Variants in IGF1R observed in about 807,000 individuals in gnomAD.
The protein encoded by IGF1R is insulin-like growth factor 1 receptor.
IGF1R carries 44 observed loss-of-function variants against 144.6 expected under a neutral mutation model. That is an observed-to-expected ratio of 0.30 (90% CI 0.24 to 0.39). The LOEUF is 0.39. IGF1R is among the 10% of genes least tolerant of loss of function. The pLI, the probability that IGF1R is intolerant of heterozygous loss-of-function variation, is 1.00. For synonymous variants in IGF1R, 795 were observed against 722.8 expected (o/e 1.10, Z -1.60); for missense variants, 1,355 against 1,833.7 (o/e 0.74, Z 4.77).
At chr15:98,870,506 C>T (rs1186323858) in intron 2 of IGF1R, among the ~76,000 whole-genome samples, 1 of 152,134 alleles carries the variant, frequency 6.6e-6, no homozygotes, top group Admixed American at 6.5e-5. Context: ...GGTGGAACAG[C>T]GTGTGTGAAG....
intron 2 of IGF1R, among the ~76,000 whole-genome samples, chr15:98,802,710 G>A (rs1193515927): frequency 7.9e-5 from 12 of 152,148 alleles, no homozygotes; most frequent in Admixed American, 7.9e-4. Flanking sequence ...AGAGTTTTTT[G>A]CTTGAGTTGA....
intron 1 of IGF1R, among the ~76,000 whole-genome samples, chr15:98,670,002 G>A (rs1265365760): frequency 1.3e-5 from 2 of 152,172 alleles, no homozygotes; most frequent in African/African-American, 4.8e-5. Context: ...GGGGCCCCAG[G>A]GATGCTGAGC....
At chr15:98,824,814 C>T (rs1408414895) in intron 2 of IGF1R, among the ~76,000 whole-genome samples, 1 of 151,810 alleles carries the variant, frequency 6.6e-6, no homozygotes, top group African/African-American at 2.4e-5. Context: ...TACGCTGTTT[C>T]GTTCTTTATT....
chr15:98,720,335 C>T (rs878975026), intron 2 of IGF1R, among the ~76,000 whole-genome samples: 1 of 152,208 alleles, frequency 6.6e-6, no homozygotes, highest in Non-Finnish European at 1.5e-5. Flanking sequence ...CTGGCCTCTT[C>T]TACTGACTTT....
At chr15:98,689,425 G>T (rs1322640676) in intron 1 of IGF1R, among the ~76,000 whole-genome samples, 2 of 104,304 alleles carry the variant, frequency 1.9e-5, no homozygotes, top group Non-Finnish European at 4.0e-5. Flanking sequence ...TTTTAGTAGG[G>T]ACAAAGTTTC....
At chr15:98,732,036 G>A (rs910743693) in intron 2 of IGF1R, among the ~76,000 whole-genome samples, 10 of 152,172 alleles carry the variant, frequency 6.6e-5, no homozygotes, top group Non-Finnish European at 1.0e-4. Context: ...GCTGATTTCC[G>A]CCTCTGCAAC....
chr15:98,936,048 C>G (rs1255242189), intron 17 of IGF1R, among the ~76,000 whole-genome samples: 1 of 152,128 alleles, frequency 6.6e-6, no homozygotes, highest in East Asian at 1.9e-4. Context: ...GCTCCGTGCG[C>G]AAGATGTGCA....
At chr15:98,701,406 A>G (rs954504583) in intron 1 of IGF1R, among the ~76,000 whole-genome samples, 2 of 133,366 alleles carry the variant, frequency 1.5e-5, no homozygotes, top group Admixed American at 1.9e-4. Flanking sequence ...GCGTGATCTC[A>G]GCTCACTGCA....
chr15:98,854,645 G>A (rs1016296113), intron 2 of IGF1R, among the ~76,000 whole-genome samples: 3 of 152,162 alleles, frequency 2.0e-5, no homozygotes, highest in African/African-American at 4.8e-5. Flanking sequence ...AGTAAGTCAC[G>A]TCTGAACAAC....
intron 3 of IGF1R, chr15:98,893,480 C>G (rs1193211671): frequency 6.6e-6 from 1 of 152,284 alleles, no homozygotes; most frequent in South Asian, 2.1e-4. Context: ...TTGTTGGCAG[C>G]CTTCGAGTGT....
intron 2 of IGF1R, chr15:98,820,992 A>G (rs1002920217): frequency 1.3e-5 from 2 of 152,230 alleles, no homozygotes; most frequent in East Asian, 3.9e-4. Context: ...TTTGGTGTAC[A>G]ACAGCTAGAG....
At chr15:98,786,857 G>A (rs1031906873) in intron 2 of IGF1R, among the ~76,000 whole-genome samples, 1 of 152,216 alleles carries the variant, frequency 6.6e-6, no homozygotes, top group Non-Finnish European at 1.5e-5. Flanking sequence ...GGAACGTGAA[G>A]CCTTTCCCCA....
In IGF1R at chr15:98,705,659, C is replaced by T. The variant is rs140648202; in HGVS notation, c.95-1903C>T. Among the ~76,000 whole-genome samples, 672 of 152,312 alleles carry T rather than the reference C, an allele frequency of 4.4e-3. 5 individuals are homozygous for T. Among genetic ancestry groups the T allele is most frequent in the African/African-American group, 0.014 (576 of 41,560 alleles). ...GTCCCTCCACTTCCTCTTCTCTTCG[C>T]TATCTCTGCTCAGTTTCTGTCTTTG... On this transcript the variant is annotated intron_variant, in intron 1 of 20. Transcript: ENST00000650285.
chr15:98,881,320 C>T (rs967510553), intron 2 of IGF1R, among the ~76,000 whole-genome samples: 8 of 151,754 alleles, frequency 5.3e-5, no homozygotes, highest in African/African-American at 9.7e-5. Context: ...AATATTCATT[C>T]ATTTATTTAT....
intron 10 of IGF1R, among the ~76,000 whole-genome samples, chr15:98,921,737 C>T (rs1567200331): frequency 6.6e-6 from 1 of 152,156 alleles, no homozygotes; most frequent in African/African-American, 2.4e-5. Flanking sequence ...CCACACACCT[C>T]ACCTCTCCCC....
At chr15:98,767,223 A>T (rs930656686) in intron 2 of IGF1R, among the ~76,000 whole-genome samples, 1 of 151,982 alleles carries the variant, frequency 6.6e-6, no homozygotes, top group African/African-American at 2.4e-5. Flanking sequence ...GTACTGGGGG[A>T]TGAGTGACCT....
chr15:98,869,951 G>A (rs577757075), intron 2 of IGF1R, among the ~76,000 whole-genome samples: 1 of 152,320 alleles, frequency 6.6e-6, no homozygotes, highest in Admixed American at 6.5e-5. Flanking sequence ...GTCCCGCAAG[G>A]AGCTTACAAT....
rs923852703 is a variant in IGF1R at position 98,648,966 on chromosome 15, G to C, written c.-616G>C. On this transcript the variant is annotated 5_prime_UTR_variant, in exon 1 of 21. Transcript: ENST00000650285. ...GGCCCGCCGCTTTGTGTGTGTCCTG[G>C]ATTTGGGAAGGAGCTCGCCGCGGCG... The C allele has an allele frequency of 4.9e-6, 1 of 204,730 alleles. No individual in the cohort carries two copies. The highest frequency in any genetic ancestry group is 1.7e-4 in the South Asian group (1 of 5,866). The allele number at this position is 204,730 out of a possible 1,614,324, so 12.7% of individuals were successfully genotyped here. A position where few individuals can be genotyped will look rare whatever the true frequency, so the allele number is the denominator to read the frequency against.
intron 2 of IGF1R, among the ~76,000 whole-genome samples, chr15:98,746,538 C>T (rs2054871203): frequency 6.6e-6 from 1 of 152,176 alleles, no homozygotes; most frequent in Non-Finnish European, 1.5e-5. Context: ...GCAGCCCCTG[C>T]TCCATGAGTG....
Sources: gnomAD v4.1 joint callset for allele counts (sites outside exome capture counted in the v4.1 genomes callset) on GRCh38, gnomAD v4.1.1 for gene constraint, MANE v1.5 for transcripts, NCBI Gene and HGNC (gene_info 2026-07-23, HGNC 2026-07-21) for gene names.